PLPPR5: variants seen among roughly 807,000 people sequenced by gnomAD.
PLPPR5 encodes the protein phospholipid phosphatase related 5.
A neutral mutation model predicts 33.9 loss-of-function variants in PLPPR5; 16 were observed. The observed-to-expected ratio is 0.47, with a 90% CI of 0.32 to 0.72. The LOEUF (loss-of-function observed/expected upper bound fraction) is 0.72, where lower values mean the gene tolerates loss of function less well. Ranked by LOEUF, PLPPR5 falls within the 30% of genes least tolerant of loss-of-function variation. PLPPR5 has a pLI of 0.03. For synonymous variants in PLPPR5, 163 were observed against 150.3 expected, an observed-to-expected ratio of 1.08 and a Z score of -0.62; for missense variants, 301 against 406.7, an observed-to-expected ratio of 0.74 and a Z score of 2.23.
At chr1:98,912,292 A>G (rs1649180845) in intron 5 of PLPPR5, among the ~76,000 whole-genome samples, 1 of 152,224 alleles carries the variant, frequency 6.6e-6, no homozygotes, top group South Asian at 2.1e-4. Flanking sequence ...GCATTATAAT[A>G]GGATATTAGC....
At chr1:98,965,195 G>A (rs1402039606) in intron 1 of PLPPR5, among the ~76,000 whole-genome samples, 3 of 152,074 alleles carry the variant, frequency 2.0e-5, no homozygotes, top group Non-Finnish European at 4.4e-5. Context: ...ATTGCAATCT[G>A]ACAGTTTACC....
intron 3 of PLPPR5, among the ~76,000 whole-genome samples, chr1:98,947,095 C>A (rs529034896): frequency 6.6e-6 from 1 of 152,156 alleles, no homozygotes; most frequent in Non-Finnish European, 1.5e-5. Flanking sequence ...CCCAAGCCGA[C>A]GTTTGCTAAC....
intron 1 of PLPPR5, among the ~76,000 whole-genome samples, chr1:98,989,177 T>C (rs994934656): frequency 2.6e-5 from 4 of 152,098 alleles, no homozygotes; most frequent in Non-Finnish European, 5.9e-5. Flanking sequence ...AAACAGCCTA[T>C]TTGGTTAAAA....
chr1:99,001,669 A>ATATAT (rs1557699423), intron 1 of PLPPR5, among the ~76,000 whole-genome samples: 38 of 64,326 alleles, frequency 5.9e-4, no homozygotes, highest in African/African-American at 2.2e-3. Flanking sequence ...TTGAAAGTTA[A>ATATAT]AGATATATAT....
At chr1:98,954,684 A>G (rs1170029948) in intron 2 of PLPPR5, among the ~76,000 whole-genome samples, 1 of 152,176 alleles carries the variant, frequency 6.6e-6, no homozygotes, top group Non-Finnish European at 1.5e-5. Context: ...AAACAGTAAG[A>G]AGCCCTTTCT....
chr1:98,901,819 T>C (rs1648703600), intron 5 of PLPPR5, among the ~76,000 whole-genome samples: 1 of 152,094 alleles, frequency 6.6e-6, no homozygotes, highest in Admixed American at 6.6e-5. Flanking sequence ...CAAAAATATA[T>C]ATTTAAGGAA....
At chr1:98,904,979 T>C (rs1648843370) in intron 5 of PLPPR5, among the ~76,000 whole-genome samples, 1 of 152,146 alleles carries the variant, frequency 6.6e-6, no homozygotes, top group Non-Finnish European at 1.5e-5. Context: ...TGACATCTCA[T>C]CAGTCAAAAT....
intron 3 of PLPPR5, among the ~76,000 whole-genome samples, chr1:98,931,787 G>A (rs774804898): frequency 6.6e-6 from 1 of 152,144 alleles, no homozygotes; most frequent in Admixed American, 6.5e-5. Flanking sequence ...CCAAGTGAAG[G>A]ATTCGTATTA....
intron 1 of PLPPR5, among the ~76,000 whole-genome samples, chr1:98,959,573 G>A (rs910911533): frequency 2.0e-5 from 3 of 152,126 alleles, no homozygotes; most frequent in African/African-American, 7.2e-5. Context: ...CTCTTTCCCT[G>A]GAGTCATACT....
intron 5 of PLPPR5, among the ~76,000 whole-genome samples, chr1:98,908,907 T>G (rs1053073132): frequency 4.6e-5 from 7 of 152,172 alleles, no homozygotes; most frequent in African/African-American, 1.7e-4. Flanking sequence ...GAGGGCCTTT[T>G]GTCAATCTGA....
At chr1:98,957,243 G>A (rs1275204502) in intron 1 of PLPPR5, among the ~76,000 whole-genome samples, 1 of 151,212 alleles carries the variant, frequency 6.6e-6, no homozygotes, top group Admixed American at 6.6e-5. Context: ...GCTAGATGAC[G>A]AGTTAGTGGG....
intron 1 of PLPPR5, among the ~76,000 whole-genome samples, chr1:98,985,030 A>G (rs1179157727): frequency 6.6e-6 from 1 of 152,096 alleles, no homozygotes; most frequent in Non-Finnish European, 1.5e-5. Flanking sequence ...CTTACAACAG[A>G]AAAGCTCATT....
At position 98,892,951 on chromosome 1, in the gene PLPPR5, A is replaced by C; in HGVS notation, c.*121T>G. The C allele has an allele frequency of 1.0e-6, 1 of 965,160 alleles. No individual in the cohort carries two copies. The highest frequency in any genetic ancestry group is 2.7e-5 in the East Asian group (1 of 37,278). 59.8% of individuals were successfully genotyped at this position (965,160 alleles called of 1,614,324 possible). A position where few individuals can be genotyped will look rare whatever the true frequency, so the allele number is the denominator to read the frequency against. ...CAGATAGGTTGACATTGATTTTAAAATTATAAAAATTATTAAACAACTTTA... is the reference window on the plus strand; with the variant it reads ...CAGATAGGTTGACATTGATTTTAAACTTATAAAAATTATTAAACAACTTTA... On this transcript the variant is annotated 3_prime_UTR_variant, in exon 6 of 6. Transcript: ENST00000263177.
At chr1:98,980,281 G>C (rs1652018727) in intron 1 of PLPPR5, among the ~76,000 whole-genome samples, 1 of 151,920 alleles carries the variant, frequency 6.6e-6, no homozygotes, top group Non-Finnish European at 1.5e-5. Context: ...GCTTTTACCT[G>C]CTTCCTTTGC....
At chr1:98,920,593 C>CAAAAA (rs763477562) in intron 4 of PLPPR5, among the ~76,000 whole-genome samples, 7 of 69,024 alleles carry the variant, frequency 1.0e-4, no homozygotes, top group East Asian at 9.3e-4. Flanking sequence ...GTGGTATCAC[C>CAAAAA]AAAAAAAAAA....
intron 3 of PLPPR5, among the ~76,000 whole-genome samples, chr1:98,933,050 T>C (rs1316719127): frequency 6.6e-6 from 1 of 152,092 alleles, no homozygotes; most frequent in Non-Finnish European, 1.5e-5. Flanking sequence ...ATAAAACACA[T>C]TCACATTTCT....
At chr1:98,948,178 TC>T (rs1171688965) in intron 3 of PLPPR5, among the ~76,000 whole-genome samples, 2 of 152,130 alleles carry the variant, frequency 1.3e-5, no homozygotes, top group Non-Finnish European at 2.9e-5. Flanking sequence ...TAGCTCATGC[TC>T]CTGTACAGAA....
intron 1 of PLPPR5, among the ~76,000 whole-genome samples, chr1:98,972,766 G>T (rs545888420): frequency 6.6e-6 from 1 of 152,130 alleles, no homozygotes; most frequent in African/African-American, 2.4e-5. Flanking sequence ...CTCAAGTGAT[G>T]AATGATTTGT....
At chr1:98,947,779 T>C (rs1208270892) in intron 3 of PLPPR5, among the ~76,000 whole-genome samples, 1 of 152,164 alleles carries the variant, frequency 6.6e-6, no homozygotes, top group Non-Finnish European at 1.5e-5. Context: ...AGGTGAAACA[T>C]CAATCGACTA....
Sources: allele counts gnomAD v4.1 joint callset (sites outside exome capture counted in the v4.1 genomes callset), GRCh38; gene constraint gnomAD v4.1.1; transcripts MANE v1.5; gene names NCBI Gene and HGNC (gene_info 2026-07-23, HGNC 2026-07-21).